IL1RAPL2: variants seen among roughly 807,000 people sequenced by gnomAD.
IL1RAPL2 encodes the protein X-linked interleukin-1 receptor accessory protein-like 2.
Under a neutral mutation model 44.1 loss-of-function variants are expected in IL1RAPL2, and 3 were observed. That is an observed-to-expected ratio of 0.07 (90% CI 0.03 to 0.18). The LOEUF is 0.18. Ranked by LOEUF, IL1RAPL2 falls within the 10% of genes least tolerant of loss-of-function variation. IL1RAPL2 has a pLI of 1.00. For missense variants in IL1RAPL2, 391 were observed against 496.4 expected (o/e 0.79, Z 2.02); for synonymous variants, 181 against 178.8 (o/e 1.01, Z -0.10).
intron 5 of IL1RAPL2, among the ~76,000 whole-genome samples, chrX:105,281,655 A>C (rs1454857898): frequency 1.8e-5 from 2 of 111,580 alleles, no homozygotes; most frequent in African/African-American, 3.3e-5. Context: ...TCAGTACACT[A>C]ACATGCTGTA....
At chrX:104,591,620 T>G (rs1928665971) in intron 1 of IL1RAPL2, among the ~76,000 whole-genome samples, 1 of 68,247 alleles carries the variant, frequency 1.5e-5, no homozygotes, top group African/African-American at 4.8e-5. Flanking sequence ...TTCTTCCTTC[T>G]GTGGCTTTTT....
intron 2 of IL1RAPL2, among the ~76,000 whole-genome samples, chrX:105,052,840 T>C (rs1840254589): frequency 9.0e-6 from 1 of 110,946 alleles, no homozygotes; most frequent in Admixed American, 9.6e-5. Context: ...AAGCCCCATA[T>C]GCATTAGGTA....
intron 2 of IL1RAPL2, among the ~76,000 whole-genome samples, chrX:104,888,655 T>TC (rs1479878962): frequency 1.8e-5 from 2 of 110,938 alleles, no homozygotes; most frequent in East Asian, 5.7e-4. Context: ...GTCCAATCCT[T>TC]CCCTGGCAAA....
chrX:104,587,652 TCA>T (rs1569488141), intron 1 of IL1RAPL2, among the ~76,000 whole-genome samples: 1 of 112,415 alleles, frequency 8.9e-6, no homozygotes, highest in Non-Finnish European at 1.9e-5. Context: ...TGCTGCCAAC[TCA>T]CTTTCAGTGG....
intron 5 of IL1RAPL2, among the ~76,000 whole-genome samples, chrX:105,358,702 CAAAA>C (rs11339990): frequency 1.4e-5 from 1 of 70,415 alleles, no homozygotes; most frequent in African/African-American, 4.4e-5. Flanking sequence ...CAACAACAAA[CAAAA>C]AAAAAAAAAG....
At chrX:105,404,359 G>A (rs186446396) in intron 5 of IL1RAPL2, among the ~76,000 whole-genome samples, 206 of 112,165 alleles carry the variant, frequency 1.8e-3, no homozygotes, top group African/African-American at 6.3e-3. Context: ...GAGTAGTGCT[G>A]TGATATGTTC....
chrX:104,730,970 C>T (rs1160648717), intron 2 of IL1RAPL2, among the ~76,000 whole-genome samples: 1 of 111,011 alleles, frequency 9.0e-6, no homozygotes, highest in African/African-American at 3.3e-5. Flanking sequence ...TCTCTGATGG[C>T]CAGTGATGAT....
intron 6 of IL1RAPL2, among the ~76,000 whole-genome samples, chrX:105,597,558 G>C (rs1000609703): frequency 2.7e-5 from 3 of 110,959 alleles, no homozygotes; most frequent in South Asian, 3.9e-4. Flanking sequence ...GAGCGAGGAG[G>C]GGGGAGGTGC....
intron 5 of IL1RAPL2, among the ~76,000 whole-genome samples, chrX:105,423,086 T>A (rs1009604007): frequency 2.3e-4 from 25 of 111,081 alleles, no homozygotes; most frequent in Admixed American, 1.7e-3. Flanking sequence ...CTAAGTCATA[T>A]CAGAATTATA....
At chrX:104,694,050 C>A (rs1931138727) in intron 2 of IL1RAPL2, among the ~76,000 whole-genome samples, 1 of 111,866 alleles carries the variant, frequency 8.9e-6, no homozygotes, top group Non-Finnish European at 1.9e-5. Context: ...TTGGGGGGAA[C>A]CTCATATGCA....
At chrX:104,577,187 T>C (rs1928258538) in intron 1 of IL1RAPL2, among the ~76,000 whole-genome samples, 1 of 112,217 alleles carries the variant, frequency 8.9e-6, no homozygotes, top group African/African-American at 3.2e-5. Context: ...AAGAGTTCCA[T>C]GTCCTCAGTT....
At chrX:104,967,025 A>G (rs1281396682) in intron 2 of IL1RAPL2, among the ~76,000 whole-genome samples, 1 of 112,440 alleles carries the variant, frequency 8.9e-6, no homozygotes, top group Non-Finnish European at 1.9e-5. Flanking sequence ...GCAGTTTGCC[A>G]ATGCCTAATA....
intron 2 of IL1RAPL2, among the ~76,000 whole-genome samples, chrX:104,755,670 C>A (rs1281299987): frequency 2.7e-5 from 3 of 110,348 alleles, no homozygotes; most frequent in Admixed American, 9.6e-5. Flanking sequence ...ATTTAGAGTC[C>A]TTTTAGATTT....
intron 5 of IL1RAPL2, among the ~76,000 whole-genome samples, chrX:105,268,998 A>G (rs1285962137): frequency 5.4e-5 from 6 of 110,889 alleles, no homozygotes; most frequent in Non-Finnish European, 1.1e-4. Context: ...ACACATACAT[A>G]TTTCTATTGT....
At chrX:105,021,430 A>G (rs2031280248) in intron 2 of IL1RAPL2, among the ~76,000 whole-genome samples, 1 of 110,780 alleles carries the variant, frequency 9.0e-6, no homozygotes, top group Non-Finnish European at 1.9e-5. Context: ...CTCGGAGTTT[A>G]TGGGTGGCCG....
chrX:105,541,489 C>T lies in IL1RAPL2; in HGVS notation c.772+57102C>T, dbSNP rs928790994. ...ATCCAGTGCAGTTTGGAGAATGAGG[C>T]ATATGACATGCTTAGGGAAAGGTAA... On this transcript the variant is annotated intron_variant, in intron 6 of 10. Transcript: ENST00000372582. Among the ~76,000 whole-genome samples, 5 of 111,615 alleles carry T rather than the reference C, an allele frequency of 4.5e-5. No homozygotes were observed. In the Admixed American group the frequency reaches 4.8e-4, roughly 11 times the overall value.
At chrX:105,695,494 G>A (rs1461435718) in intron 6 of IL1RAPL2, among the ~76,000 whole-genome samples, 2 of 111,227 alleles carry the variant, frequency 1.8e-5, no homozygotes, top group Non-Finnish European at 3.8e-5. Context: ...AATAAATGCT[G>A]GTTGCTATTA....
At chrX:104,619,362 C>G (rs909318159) in intron 1 of IL1RAPL2, among the ~76,000 whole-genome samples, 2 of 112,254 alleles carry the variant, frequency 1.8e-5, no homozygotes, top group Non-Finnish European at 3.8e-5. Context: ...ACCTCCAGGT[C>G]TTGGGAGAAA....
rs1190600470 is a variant in IL1RAPL2, at chrX:105,129,416, C to T, written c.83-66059C>T. On this transcript the variant is annotated intron_variant, in intron 2 of 10. Coordinates refer to ENST00000372582, the MANE Select transcript of IL1RAPL2 (RefSeq NM_017416.2). The stretch of plus-strand genomic sequence containing the variant: ...AGGCAATACTTCTTAGTACCATCAC[C>T]TTGGGGTTTAAGTTCCAACATGTAA... 6.3e-5 allele frequency among the ~76,000 whole-genome samples: 7 copies of T among 110,950 alleles called. No individual in the cohort carries two copies. The Admixed American group carries it at 6.7e-4, about 11-fold the overall frequency.
Sources: allele counts gnomAD v4.1 joint callset (sites outside exome capture counted in the v4.1 genomes callset), GRCh38; gene constraint gnomAD v4.1.1; transcripts MANE v1.5; gene names NCBI Gene and HGNC (gene_info 2026-07-23, HGNC 2026-07-21).